The following ARHGEF18 variants were observed in gnomAD, a reference collection of about 807,000 sequenced individuals.
ARHGEF18 encodes rho guanine nucleotide exchange factor 18.
ARHGEF18 carries 93 observed loss-of-function variants against 155.7 expected under a neutral mutation model. The ratio of observed to expected loss-of-function variants is 0.60; its 90% CI spans 0.50 to 0.71. The LOEUF is 0.71. Ranked by LOEUF, ARHGEF18 falls within the 30% of genes least tolerant of loss-of-function variation. ARHGEF18 has a pLI of 0.00. For missense variants in ARHGEF18, 1,593 were observed against 1,816.1 expected (o/e 0.88, Z 2.23); for synonymous variants, 742 against 753.1 (o/e 0.99, Z 0.24).
In ARHGEF18 at chr19:7,369,934, C is replaced by T. The variant is rs117590957; in HGVS notation, c.16-2878C>T. ...AAATTAGTTTGGGCGCAGCGGCTCA[C>T]GCTTGTAACCCCAGCACTTTCGGAG... On this transcript the variant is annotated intron_variant, in intron 2 of 28. Transcript: ENST00000668164. 6.8e-4 allele frequency among the ~76,000 whole-genome samples: 104 copies of T among 152,048 alleles called. 1 individual carries two copies. The East Asian group carries it at 0.019, about 28-fold the overall frequency.
chr19:7,436,197 CTTTTTTTT>C (rs567879436), intron 10 of ARHGEF18, among the ~76,000 whole-genome samples: 2 of 78,578 alleles, frequency 2.5e-5, no homozygotes, highest in African/African-American at 5.2e-5. Context: ...AGCATTTCTT[CTTTTTTTT>C]TTTTTTTTTT....
At chr19:7,367,773 ACACATATATATATTTTAT>A (rs1969962031) in intron 2 of ARHGEF18, among the ~76,000 whole-genome samples, 1 of 91,884 alleles carries the variant, frequency 1.1e-5, no homozygotes, top group Non-Finnish European at 2.2e-5. Context: ...ATATATATAT[ACACATATATATATTTTAT>A]ATATATATAC....
At chr19:7,450,341 A>G (rs79351224) in intron 15 of ARHGEF18, among the ~76,000 whole-genome samples, 234 of 1,204 alleles carry the variant, frequency 0.19, no homozygotes, top group Middle Eastern at 0.5. Flanking sequence ...GTCCATTTCC[A>G]AGATGTTAAT....
intron 1 of ARHGEF18, among the ~76,000 whole-genome samples, chr19:7,350,767 G>GTGTGTGTGTGT (rs1969136536): frequency 2.1e-4 from 4 of 19,458 alleles, no homozygotes; most frequent in Non-Finnish European, 4.7e-4. Flanking sequence ...TTTTGGGGTG[G>GTGTGTGTGTGT]GTGTGTGTGT....
intron 10 of ARHGEF18, among the ~76,000 whole-genome samples, chr19:7,425,739 C>T (rs1211848143): frequency 3.3e-5 from 5 of 151,078 alleles, no homozygotes; most frequent in Non-Finnish European, 4.4e-5. Context: ...GTGGCTCATG[C>T]CTGTAATCTC....
intron 10 of ARHGEF18, among the ~76,000 whole-genome samples, chr19:7,426,507 AAAAG>A (rs1568323706): frequency 6.6e-6 from 1 of 151,776 alleles, no homozygotes; most frequent in Non-Finnish European, 1.5e-5. Context: ...AAAAAAGAAA[AAAAG>A]CACCAAAGAA....
intron 1 of ARHGEF18, among the ~76,000 whole-genome samples, chr19:7,349,500 G>A (rs568273102): frequency 6.0e-4 from 92 of 152,156 alleles, no homozygotes; most frequent in African/African-American, 2.0e-3. Context: ...GGTGGAGGCC[G>A]GGCGCGGTGG....
chr19:7,466,849 A>G (rs1976652451), intron 23 of ARHGEF18, 69 bp from the exon 24 acceptor site: 1 of 1,294,388 alleles, frequency 7.7e-7, no homozygotes, highest in Middle Eastern at 1.9e-4. Context: ...GAAGAAGAAG[A>G]AGAAGGCTTG....
intron 18 of ARHGEF18, among the ~76,000 whole-genome samples, chr19:7,457,353 CTTTTTTTTTT>C (rs1159186670): frequency 8.3e-5 from 5 of 60,234 alleles, no homozygotes; most frequent in East Asian, 6.1e-4. Context: ...AATCACCTCT[CTTTTTTTTTT>C]TTTTTTTTTT....
chr19:7,396,724 AAG>A (rs923208080), intron 10 of ARHGEF18, among the ~76,000 whole-genome samples: 2 of 151,756 alleles, frequency 1.3e-5, no homozygotes, highest in Non-Finnish European at 2.9e-5. Context: ...AAAAAAAAAA[AAG>A]AAGTGTCAGG....
At position 7,463,559 on chromosome 19, in the gene ARHGEF18, G is replaced by A. The variant is rs769905399; in HGVS notation, c.2636-259G>A. Among the ~76,000 whole-genome samples, 12 of 152,210 alleles carry A rather than the reference G, an allele frequency of 7.9e-5. No homozygotes were observed. The highest frequency in any genetic ancestry group is 1.5e-4 in the Non-Finnish European group (10 of 68,022). Reference sequence around the variant, plus strand: ...CTGGTGGAAGGAGCTGCAGGAGCCTGTACCCGCCCTCCCCATGGCTGCCCC... The same window carrying A: ...CTGGTGGAAGGAGCTGCAGGAGCCTATACCCGCCCTCCCCATGGCTGCCCC... On this transcript the variant is annotated intron_variant, in intron 21 of 28. Transcript: ENST00000668164. The surrounding 1 kb of genome is among the most constrained non-coding windows in gnomAD (Gnocchi z 5.2).
chr19:7,422,707 C>A (rs1973426734), intron 10 of ARHGEF18, among the ~76,000 whole-genome samples: 1 of 144,906 alleles, frequency 6.9e-6, no homozygotes, highest in Non-Finnish European at 1.5e-5. Flanking sequence ...AAAATGTGTT[C>A]TAACTTTTCT....
At chr19:7,370,863 T>C (rs1266128413) in intron 2 of ARHGEF18, among the ~76,000 whole-genome samples, 1 of 151,890 alleles carries the variant, frequency 6.6e-6, no homozygotes, top group African/African-American at 2.4e-5. Context: ...GTAGGAGGTC[T>C]CTGGACTCGT....
intron 10 of ARHGEF18, among the ~76,000 whole-genome samples, chr19:7,415,370 C>T (rs1044793332): frequency 6.6e-6 from 1 of 152,100 alleles, no homozygotes; most frequent in Non-Finnish European, 1.5e-5. Context: ...GGCCCCTGCA[C>T]CGCCCCTCTC....
intron 10 of ARHGEF18, among the ~76,000 whole-genome samples, chr19:7,391,308 A>G (rs1600271904): frequency 6.6e-6 from 1 of 152,160 alleles, no homozygotes; most frequent in Non-Finnish European, 1.5e-5. Context: ...ACAGTAAGTT[A>G]AACAAACAGA....
Position 7,392,266 on chromosome 19 carries a change from C to G in ARHGEF18, c.967+9063C>G, listed in dbSNP as rs918343031. Among the ~76,000 whole-genome samples, 3 of 144,272 alleles carry G rather than the reference C, an allele frequency of 2.1e-5. No individual in the cohort carries two copies. In the South Asian group the frequency reaches 6.6e-4, roughly 32 times the overall value. The allele number at this position is 144,272 out of a possible 152,430, so 94.6% of individuals were successfully genotyped here. On this transcript the variant is annotated intron_variant, in intron 10 of 28. Transcript: ENST00000668164. ...AAAAAAAAAAAAAAAAAAAAAGACT[C>G]ATAAATGCAGAATGGTTGGATGGAT...
downstream of ARHGEF18, chr19:7,477,241 C>T (rs964361053): frequency 2.2e-5 from 34 of 1,550,696 alleles, no homozygotes; most frequent in South Asian, 3.6e-5. Flanking sequence ...CGGCCCGGGC[C>T]GCCTGGTACA....
At chr19:7,411,130 C>T (rs1004972629) in intron 10 of ARHGEF18, among the ~76,000 whole-genome samples, 14 of 152,190 alleles carry the variant, frequency 9.2e-5, no homozygotes, top group Admixed American at 2.6e-4. Context: ...GCCTGGGCAG[C>T]GCAGGGCCTC....
At chr19:7,434,056 T>A (rs1974120988) in intron 10 of ARHGEF18, among the ~76,000 whole-genome samples, 1 of 148,802 alleles carries the variant, frequency 6.7e-6, no homozygotes, top group Non-Finnish European at 1.5e-5. Context: ...AAGTATGGAG[T>A]CTTTTGTCCC....
Sources: gnomAD v4.1 joint callset for allele counts (sites outside exome capture counted in the v4.1 genomes callset) on GRCh38, gnomAD v4.1.1 for gene constraint, Gnocchi (gnomAD v3.1) non-coding constraint, MANE v1.5 for transcripts, NCBI Gene and HGNC (gene_info 2026-07-23, HGNC 2026-07-21) for gene names.